EIF5B: variants seen among roughly 807,000 people sequenced by gnomAD.
The protein encoded by EIF5B is eukaryotic translation initiation factor 5B.
A neutral mutation model predicts 147.5 loss-of-function variants in EIF5B; 47 were observed. The observed-to-expected ratio is 0.32, with a 90% CI of 0.25 to 0.41. The LOEUF (loss-of-function observed/expected upper bound fraction) is 0.41. Ranked by LOEUF, EIF5B falls within the 10% of genes least tolerant of loss-of-function variation. The probability of loss-of-function intolerance (pLI) is 1.00; values close to 1 mark genes in which losing one functional copy is unlikely to be tolerated. For missense variants in EIF5B, 1,064 were observed against 1,413.2 expected (o/e 0.75, Z 3.96); for synonymous variants, 455 against 456.2 (o/e 1.00, Z 0.03).
chr2:99,364,972 A>G (rs1288960176), intron 6 of EIF5B, among the ~76,000 whole-genome samples: 2 of 152,134 alleles, frequency 1.3e-5, no homozygotes, highest in African/African-American at 2.4e-5. Context: ...TGTTTATCCA[A>G]AGAGCTTTTG....
At position 99,393,110 on chromosome 2, in the gene EIF5B, T is replaced by TA; in HGVS notation, c.2880+17dup. 6.6e-7 allele frequency: 1 copy of TA among 1,514,284 alleles called. No homozygotes were observed. 93.8% of individuals were successfully genotyped at this position (1,514,284 alleles called of 1,614,324 possible). On this transcript the variant is annotated intron_variant, in intron 18 of 23. Coordinates refer to ENST00000289371, the MANE Select transcript of EIF5B (RefSeq NM_015904.4). Reference sequence around the variant, plus strand: ...TCCCTGTTCTTAAAGTAAGTTCATTTAAAAATTTTTTTCCTTAAAAGCTAT... The same window carrying TA: ...TCCCTGTTCTTAAAGTAAGTTCATTTAAAAAATTTTTTTCCTTAAAAGCTAT...
At chr2:99,361,927 C>A in intron 4 of EIF5B, 107 bp downstream of exon 4, 1 of 1,053,668 alleles carries the variant, frequency 9.5e-7, no homozygotes, top group Non-Finnish European at 1.3e-6. Flanking sequence ...GGTATAAAGA[C>A]ACTTGATTGT....
At chr2:99,351,698 G>A (rs1031388708) in intron 1 of EIF5B, among the ~76,000 whole-genome samples, 1 of 146,746 alleles carries the variant, frequency 6.8e-6, no homozygotes, top group Non-Finnish European at 1.5e-5. Flanking sequence ...TTTTTTTTTT[G>A]TTTGTTTGTT....
chr2:99,348,213 T>C (rs373840838), intron 1 of EIF5B, among the ~76,000 whole-genome samples: 1 of 152,222 alleles, frequency 6.6e-6, no homozygotes, highest in Non-Finnish European at 1.5e-5. Context: ...CATTGTATAA[T>C]ATAGTAGCAG....
chr2:99,338,937 T>TATATATATATATATATAC (rs1491555384), intron 1 of EIF5B, among the ~76,000 whole-genome samples: 1 of 134,690 alleles, frequency 7.4e-6, no homozygotes, highest in African/African-American at 2.7e-5. Flanking sequence ...TATATATATA[T>TATATATATATATATATAC]ACAAATATAT....
rs372203333 is a variant in EIF5B, at chr2:99,393,168, C to A, written c.2880+70C>A. 50 of 1,340,440 alleles carry A rather than the reference C, an allele frequency of 3.7e-5. No homozygotes were observed. In the African/African-American group the frequency reaches 5.2e-4, roughly 14 times the overall value. The allele number at this position is 1,340,440 out of a possible 1,614,324, so 83.0% of individuals were successfully genotyped here. On this transcript the variant is annotated intron_variant, in intron 18 of 23. Coordinates refer to ENST00000289371, the MANE Select transcript of EIF5B (RefSeq NM_015904.4). ...CTGGCATGTGTCAGCATTGCACATG[C>A]TAGGGATGGTGACCAAAACTGGCTT...
At chr2:99,389,624 T>G in intron 14 of EIF5B, 94 bp from the exon 15 acceptor site, 40 of 1,211,636 alleles carry the variant, frequency 3.3e-5, no homozygotes, top group Non-Finnish European at 4.0e-5. Flanking sequence ...TCTGTATATA[T>G]GAGACACACA....
In EIF5B at chr2:99,394,344, T is replaced by C; in HGVS notation, c.2958T>C (p.Ser986=). Residue 986 remains serine (S), a synonymous_variant, in exon 19 of 24, where the codon TCT becomes TCC. Coordinates refer to ENST00000289371, the MANE Select transcript of EIF5B (RefSeq NM_015904.4). ...AAAAAGGAGTCTATGTCCAGGCATC[T>C]ACACTGGGTTCTTTGGAAGCTCTAC... The part of the protein sequence containing the change: ...LEEKGVYVQA[S]TLGSLEALLE... 6.2e-7 allele frequency: 1 copy of C among 1,614,146 alleles called. No individual in the cohort carries two copies. Among genetic ancestry groups the C allele is most frequent in the South Asian group, 1.1e-5 (1 of 91,082 alleles).
At chr2:99,362,087 T>A (rs957074540) in intron 4 of EIF5B, among the ~76,000 whole-genome samples, 10 of 152,240 alleles carry the variant, frequency 6.6e-5, no homozygotes, top group Non-Finnish European at 1.2e-4. Flanking sequence ...TTTTTGCTGT[T>A]GATAAAGGCT....
chr2:99,357,535 G>A (rs1674119025), intron 1 of EIF5B, among the ~76,000 whole-genome samples: 1 of 152,158 alleles, frequency 6.6e-6, no homozygotes, highest in Admixed American at 6.5e-5. Flanking sequence ...GTCACAAAAA[G>A]CCTTTCAGAC....
chr2:99,366,115 T>C (rs557859908), intron 6 of EIF5B, among the ~76,000 whole-genome samples: 1 of 152,360 alleles, frequency 6.6e-6, no homozygotes, highest in South Asian at 2.1e-4. Flanking sequence ...ATGAGTACTT[T>C]ATCAATAATT....
chr2:99,374,131 C>G (rs1183652122), intron 9 of EIF5B, among the ~76,000 whole-genome samples: 1 of 151,944 alleles, frequency 6.6e-6, no homozygotes, highest in African/African-American at 2.4e-5. Flanking sequence ...TCTACTAAAA[C>G]TAGAAAATTT....
At chr2:99,371,476 A>ATG (rs1674449925) in intron 8 of EIF5B, among the ~76,000 whole-genome samples, 180 bp from the exon 9 acceptor site, 4 of 145,168 alleles carry the variant, frequency 2.8e-5, no homozygotes, top group African/African-American at 1.0e-4. Flanking sequence ...CGACAGAGCA[A>ATG]AGACTCCGTC....
intron 7 of EIF5B, among the ~76,000 whole-genome samples, chr2:99,369,158 A>G (rs1238164550): frequency 1.3e-5 from 2 of 152,154 alleles, no homozygotes; most frequent in African/African-American, 4.8e-5. Flanking sequence ...CTGTAATCCC[A>G]GCTACTTGGC....
intron 12 of EIF5B, among the ~76,000 whole-genome samples, chr2:99,381,516 GGGGTGTGTGTGTGTGTGTGTGT>G (rs1215042020): frequency 7.4e-6 from 1 of 134,718 alleles, no homozygotes; most frequent in East Asian, 2.5e-4. Context: ...ATACAAAAAG[GGGGTGTGTGTGTGTGTGTGTGT>G]GTGTGTGTGT....
At position 99,375,749 on chromosome 2, in the gene EIF5B, C is replaced by A. The variant is rs1674551566; in HGVS notation, c.1553-598C>A. On this transcript the variant is annotated intron_variant, in intron 9 of 23. Transcript: ENST00000289371. ...TTTCGTTTTAGCATATAGACAAACACCTTGCGTTTATGATGTATGAAAACA... is the reference window on the plus strand; with the variant it reads ...TTTCGTTTTAGCATATAGACAAACAACTTGCGTTTATGATGTATGAAAACA... Among the ~76,000 whole-genome samples, 3 of 152,126 alleles carry A rather than the reference C, an allele frequency of 2.0e-5. No individual in the cohort carries two copies. In the South Asian group the frequency reaches 6.2e-4, roughly 32 times the overall value.
intron 1 of EIF5B, among the ~76,000 whole-genome samples, chr2:99,344,836 C>T (rs1452412675): frequency 6.6e-6 from 1 of 152,222 alleles, no homozygotes; most frequent in African/African-American, 2.4e-5. Flanking sequence ...ATGTGTCCAT[C>T]ACCCAGGTTC....
intron 1 of EIF5B, among the ~76,000 whole-genome samples, chr2:99,345,430 TA>T (rs1369182728): frequency 6.6e-6 from 1 of 151,792 alleles, no homozygotes; most frequent in Non-Finnish European, 1.5e-5. Flanking sequence ...CCGTCTCTAC[TA>T]AAAATACAAA....
At position 99,361,779 on chromosome 2, in the gene EIF5B, C is replaced by T; in HGVS notation, c.878C>T (p.Pro293Leu). 1 of 1,570,382 alleles carries T rather than the reference C, an allele frequency of 6.4e-7. No homozygotes were observed. Among genetic ancestry groups the T allele is most frequent in the Non-Finnish European group, 8.6e-7 (1 of 1,168,228 alleles). ...SKVTVDTGVI[P>L]ASEEKAETPT... ...GTGACTGTTGATACTGGAGTAATTCCTGCCTCTGAAGAGAAAGCAGAGACT... is the reference window on the plus strand; with the variant it reads ...GTGACTGTTGATACTGGAGTAATTCTTGCCTCTGAAGAGAAAGCAGAGACT... Residue 293 changes from proline (P) to leucine (L), a missense_variant, in exon 4 of 24, where the codon CCT (proline) becomes CTT (leucine). Transcript: ENST00000289371.
Sources: gnomAD v4.1 joint callset for allele counts (sites outside exome capture counted in the v4.1 genomes callset) on GRCh38, gnomAD v4.1.1 for gene constraint, MANE v1.5 for transcripts, NCBI Gene and HGNC (gene_info 2026-07-23, HGNC 2026-07-21) for gene names.